The following USH2A variants were observed in gnomAD, a reference collection of about 807,000 sequenced individuals.
USH2A encodes Usher syndrome 2A (autosomal recessive, mild).
USH2A carries 443 observed loss-of-function variants against 538.9 expected under a neutral mutation model. The observed-to-expected ratio is 0.82, with a 90% confidence interval of 0.76 to 0.89. The LOEUF is 0.89. USH2A is among the 40% of genes least tolerant of loss of function. The pLI, the probability that USH2A is intolerant of heterozygous loss-of-function variation, is 0.00. For missense variants in USH2A, 6,633 were observed against 6,324.8 expected (o/e 1.05, Z -1.65); for synonymous variants, 2,413 against 2,273.5 (o/e 1.06, Z -1.75).
chr1:215,927,329 GT>G (rs1429511750), intron 38 of USH2A, among the ~76,000 whole-genome samples: 1 of 152,070 alleles, frequency 6.6e-6, no homozygotes, highest in Non-Finnish European at 1.5e-5. Context: ...TTTTAAAGGA[GT>G]TTTCAAAGTG....
intron 49 of USH2A, among the ~76,000 whole-genome samples, chr1:215,813,330 C>T (rs1384776197): frequency 6.6e-6 from 1 of 152,090 alleles, no homozygotes; most frequent in African/African-American, 2.4e-5. Context: ...CAGTTGCGAT[C>T]TATCCAAGAA....
At chr1:216,056,852 T>A (rs1236740073) in intron 30 of USH2A, among the ~76,000 whole-genome samples, 1 of 152,132 alleles carries the variant, frequency 6.6e-6, no homozygotes, top group Non-Finnish European at 1.5e-5. Flanking sequence ...ATTATACATA[T>A]AACCCTTTTA....
At chr1:216,073,048 G>A (rs1331360838) in intron 28 of USH2A, 49 bp downstream of exon 28, 3 of 1,612,658 alleles carry the variant, frequency 1.9e-6, no homozygotes, top group East Asian at 2.2e-5. Context: ...AGGGAAAGGG[G>A]GATGAATAAG....
At chr1:216,007,789 C>T (rs1041627321) in intron 32 of USH2A, among the ~76,000 whole-genome samples, 1 of 152,176 alleles carries the variant, frequency 6.6e-6, no homozygotes, top group Admixed American at 6.5e-5. Flanking sequence ...AGGTAAGACC[C>T]CAGAAGCTTT....
chr1:216,151,911 C>T (rs530293330), intron 21 of USH2A, among the ~76,000 whole-genome samples: 20 of 152,224 alleles, frequency 1.3e-4, no homozygotes, highest in African/African-American at 3.6e-4. Context: ...TTCTTTTATT[C>T]GGACCTTGTA....
At chr1:215,998,846 G>A (rs1389858492) in intron 34 of USH2A, 41 bp downstream of exon 34, 1 of 1,599,812 alleles carries the variant, frequency 6.3e-7, no homozygotes, top group South Asian at 1.1e-5. Flanking sequence ...GAGAAGAAGT[G>A]GAAGGAATGG....
At chr1:216,285,732 A>T (rs547855339) in intron 11 of USH2A, among the ~76,000 whole-genome samples, 1 of 152,354 alleles carries the variant, frequency 6.6e-6, no homozygotes, top group South Asian at 2.1e-4. Context: ...GCAAAGCCAC[A>T]GGGGCCGAGC....
At chr1:216,173,470 CCTT>C (rs1336189072) in intron 21 of USH2A, among the ~76,000 whole-genome samples, 1 of 152,120 alleles carries the variant, frequency 6.6e-6, no homozygotes, top group East Asian at 1.9e-4. Context: ...GATCTCCCTG[CCTT>C]GTCCTTCAAA....
chr1:215,641,123 T>C (rs1656672629), intron 67 of USH2A, among the ~76,000 whole-genome samples: 1 of 152,232 alleles, frequency 6.6e-6, no homozygotes, highest in South Asian at 2.1e-4. Flanking sequence ...TCCTTAATAC[T>C]ATTAAGTACA....
intron 37 of USH2A, among the ~76,000 whole-genome samples, chr1:215,946,578 C>A (rs1666762243): frequency 6.6e-6 from 1 of 152,170 alleles, no homozygotes; most frequent in African/African-American, 2.4e-5. Context: ...ACCCGGTAGA[C>A]AAAACATTCC....
chr1:216,253,102 A>G (rs2036194544), intron 11 of USH2A, among the ~76,000 whole-genome samples: 1 of 152,164 alleles, frequency 6.6e-6, no homozygotes, highest in African/African-American at 2.4e-5. Flanking sequence ...AAAGGTAAAG[A>G]GAAATAAAAG....
At chr1:216,165,848 G>A (rs1343560999) in intron 21 of USH2A, among the ~76,000 whole-genome samples, 4 of 148,988 alleles carry the variant, frequency 2.7e-5, no homozygotes, top group Admixed American at 6.7e-5. Context: ...GGAACAGGCA[G>A]TATTTGGTTA....
At chr1:216,299,985 T>C (rs1248642936) in intron 9 of USH2A, among the ~76,000 whole-genome samples, 5 of 152,198 alleles carry the variant, frequency 3.3e-5, no homozygotes, top group Admixed American at 3.3e-4. Flanking sequence ...TCATTTTGTA[T>C]GGTTTGCAAA....
intron 15 of USH2A, among the ~76,000 whole-genome samples, chr1:216,210,087 G>C (rs1413874726): frequency 6.6e-6 from 1 of 152,146 alleles, no homozygotes; most frequent in Non-Finnish European, 1.5e-5. Flanking sequence ...ATACTGCAGA[G>C]AGAGGCCAAG....
intron 35 of USH2A, among the ~76,000 whole-genome samples, chr1:215,978,821 C>T (rs903545574): frequency 6.6e-6 from 1 of 152,096 alleles, no homozygotes; most frequent in African/African-American, 2.4e-5. Context: ...CTAAGTCTCC[C>T]ATGAAAGGTA....
chr1:216,052,698 G>T (rs552052566), intron 30 of USH2A, among the ~76,000 whole-genome samples: 2 of 152,270 alleles, frequency 1.3e-5, no homozygotes, highest in South Asian at 2.1e-4. Context: ...GCAAGGGGCT[G>T]GTCAAATATG....
rs147738594 is a variant in USH2A at position 216,278,199 on chromosome 1, G to A, written c.1971+11081C>T. On this transcript the variant is annotated intron_variant, in intron 11 of 71. Transcript: ENST00000307340. Reference sequence around the variant, plus strand: ...GAGGTATTGGTATTTGGCCAATTTTGTATACCTGGGCCCTTGTGATGAGCT... The same window carrying A: ...GAGGTATTGGTATTTGGCCAATTTTATATACCTGGGCCCTTGTGATGAGCT... 2.3e-3 allele frequency among the ~76,000 whole-genome samples: 343 copies of A among 152,106 alleles called. 1 individual carries two copies. Among genetic ancestry groups the A allele is most frequent in the African/African-American group, 8.0e-3 (331 of 41,510 alleles).
intron 37 of USH2A, among the ~76,000 whole-genome samples, chr1:215,941,173 A>G (rs1666622110): frequency 3.9e-5 from 6 of 152,120 alleles, no homozygotes; most frequent in Admixed American, 3.9e-4. Context: ...TCTGTACCTT[A>G]TGCTTAATAT....
At chr1:216,335,366 T>C (rs564541641) in intron 4 of USH2A, among the ~76,000 whole-genome samples, 1 of 151,418 alleles carries the variant, frequency 6.6e-6, no homozygotes, top group Non-Finnish European at 1.5e-5. Context: ...CCTAATCTTC[T>C]ACCTTAAGAA....
Sources: allele counts gnomAD v4.1 joint callset (sites outside exome capture counted in the v4.1 genomes callset), GRCh38; gene constraint gnomAD v4.1.1; transcripts MANE v1.5; gene names NCBI Gene and HGNC (gene_info 2026-07-23, HGNC 2026-07-21).